SIPA1L3: variants seen among roughly 807,000 people sequenced by gnomAD.
The protein encoded by SIPA1L3 is signal-induced proliferation-associated 1-like protein 3.
SIPA1L3 carries 59 observed loss-of-function variants against 150.1 expected under a neutral mutation model. That is an observed-to-expected ratio of 0.39 (90% CI 0.32 to 0.49). The LOEUF (loss-of-function observed/expected upper bound fraction) is 0.49, where lower values mean the gene tolerates loss of function less well. SIPA1L3 is among the 20% of genes least tolerant of loss of function. The pLI, the probability that SIPA1L3 is intolerant of heterozygous loss-of-function variation, is 0.86. For synonymous variants in SIPA1L3, 1,070 were observed against 1,077.6 expected (o/e 0.99, Z 0.14); for missense variants, 2,211 against 2,489.5 (o/e 0.89, Z 2.38).
chr19:38,159,094 C>T (rs909407516), intron 13 of SIPA1L3, among the ~76,000 whole-genome samples: 2 of 152,226 alleles, frequency 1.3e-5, no homozygotes, highest in African/African-American at 2.4e-5. Context: ...AAGAGGAAAA[C>T]CATCAATGGA....
chr19:38,030,549 A>AATAC (rs956361145), intron 2 of SIPA1L3, among the ~76,000 whole-genome samples: 2 of 149,882 alleles, frequency 1.3e-5, no homozygotes, highest in Non-Finnish European at 3.0e-5. Flanking sequence ...TAAATAAATA[A>AATAC]ATACATACAT....
At chr19:37,999,679 C>T (rs149351257) in intron 1 of SIPA1L3, among the ~76,000 whole-genome samples, 2 of 152,302 alleles carry the variant, frequency 1.3e-5, no homozygotes, top group African/African-American at 2.4e-5. Flanking sequence ...CTTGGGTAGC[C>T]CAGTGGGAGA....
At chr19:37,916,428 C>T (rs955726871) in intron 1 of SIPA1L3, among the ~76,000 whole-genome samples, 5 of 149,418 alleles carry the variant, frequency 3.3e-5, no homozygotes, top group African/African-American at 1.2e-4. Flanking sequence ...TGAGCCCAGG[C>T]ACTACCACAC....
At chr19:38,148,350 CAA>C (rs765823221) in intron 12 of SIPA1L3, among the ~76,000 whole-genome samples, 13 of 128,722 alleles carry the variant, frequency 1.0e-4, no homozygotes, top group Admixed American at 2.4e-4. Flanking sequence ...GACTCCATCT[CAA>C]AAAAAAAAAA....
Position 38,162,308 on chromosome 19 carries a change from C to G in SIPA1L3, c.3717C>G (p.Ser1239Arg), listed in dbSNP as rs138307488. The G allele has an allele frequency of 6.8e-6, 11 of 1,614,128 alleles. No homozygotes were observed. Among genetic ancestry groups the G allele is most frequent in the Non-Finnish European group, 9.3e-6 (11 of 1,180,042 alleles). ...GGCTCTCAGCCATAGCCGGAAGCAG[C>G]GGGAACAAGCACCCGTCCAGGCAGG... ...QARLSAIAGSSGNKHPSRQDA... is the reference protein window; with the variant it reads ...QARLSAIAGSRGNKHPSRQDA... Residue 1239 changes from serine to arginine, a missense_variant, in exon 14 of 22, where the codon AGC becomes AGG. Physicochemically the swap from Ser to Arg is moderately radical, Grantham distance 110 (BLOSUM62 -1). This residue lies in a region of SIPA1L3 where 806 missense variants were observed against 870.1 expected (regional missense o/e 0.93). Coordinates refer to ENST00000222345, the MANE Select transcript of SIPA1L3 (RefSeq NM_015073.3).
At chr19:37,964,955 GA>G (rs1242463092) in intron 1 of SIPA1L3, among the ~76,000 whole-genome samples, 3 of 152,134 alleles carry the variant, frequency 2.0e-5, no homozygotes, top group Non-Finnish European at 2.9e-5. Flanking sequence ...CTGAGGTTGA[GA>G]ACCATTGAGT....
chr19:37,975,040 T>A (rs1482510929), intron 1 of SIPA1L3, among the ~76,000 whole-genome samples: 1 of 152,152 alleles, frequency 6.6e-6, no homozygotes, highest in Non-Finnish European at 1.5e-5. Flanking sequence ...GTAGTTAATT[T>A]GTTACTCAGC....
In SIPA1L3 at chr19:38,082,648, G is replaced by A. The variant is rs772712332; in HGVS notation, c.1083G>A (p.Ser361=). 1.9e-6 allele frequency: 3 copies of A among 1,606,688 alleles called. No homozygotes were observed. The highest frequency in any genetic ancestry group is 2.2e-5 in the East Asian group (1 of 44,868). ...ACGAGGCGGCCGCCAACAGGGTGTC[G>A]GTGTCGCAGCGGCGGAACACCACCA... ...DLNEAAANRV[S]VSQRRNTTTG... Residue 361 remains serine (S), a synonymous_variant, in exon 3 of 22, where the codon TCG becomes TCA. Transcript: ENST00000222345.
chr19:37,912,228 A>T (rs955997284), intron 1 of SIPA1L3, among the ~76,000 whole-genome samples: 2 of 136,874 alleles, frequency 1.5e-5, no homozygotes, highest in East Asian at 2.5e-4. Context: ...CAAGAGTGAC[A>T]CTCTGTCTCA....
At chr19:38,187,050 C>T (rs970022081) in intron 16 of SIPA1L3, among the ~76,000 whole-genome samples, 1 of 150,428 alleles carries the variant, frequency 6.6e-6, no homozygotes. Flanking sequence ...TGCAGTGTCT[C>T]ACATCTGTAA....
rs1228656443 is a variant in SIPA1L3 at position 38,181,986 on chromosome 19, A to C, written c.4209-533A>C. Among the ~76,000 whole-genome samples the C allele has an allele frequency of 2.0e-5, 3 of 152,084 alleles. No individual in the cohort carries two copies. In the South Asian group the frequency reaches 6.2e-4, roughly 32 times the overall value. ...GGGAACATAGTGAAACCCCATCTCT[A>C]CAAAAATTAGCTAAGCATAGTGGTG... On this transcript the variant is annotated intron_variant, in intron 15 of 21. Transcript: ENST00000222345.
At chr19:38,112,068 A>G (rs954404846) in intron 8 of SIPA1L3, among the ~76,000 whole-genome samples, 2 of 141,628 alleles carry the variant, frequency 1.4e-5, no homozygotes, top group Non-Finnish European at 3.0e-5. Flanking sequence ...ACACGTATGC[A>G]CACACCATGC....
intron 3 of SIPA1L3, 83 bp from the exon 4 acceptor site, chr19:38,088,638 C>T (rs1008397928): frequency 1.1e-5 from 17 of 1,516,758 alleles, no homozygotes; most frequent in Admixed American, 3.9e-5. Flanking sequence ...CCTGCCTGGT[C>T]GCCCTGTCTG....
Position 38,192,141 on chromosome 19 carries a change from C to A in SIPA1L3, c.4431-4C>A. 1 of 1,597,048 alleles carries A rather than the reference C, an allele frequency of 6.3e-7. No homozygotes were observed. Among genetic ancestry groups the A allele is most frequent in the South Asian group, 1.1e-5 (1 of 89,062 alleles). On this transcript the variant is annotated splice_region_variant and splice_polypyrimidine_tract_variant and intron_variant, in intron 16 of 21. Transcript: ENST00000222345. ...CCCCTCTGACCCTGACGCTGTCATT[C>A]CAGGCAGGTGGACACGAACACCAAA...
At chr19:38,070,744 A>G (rs1017130927) in intron 2 of SIPA1L3, among the ~76,000 whole-genome samples, 1 of 152,210 alleles carries the variant, frequency 6.6e-6, no homozygotes, top group Non-Finnish European at 1.5e-5. Flanking sequence ...TTCTTCCTGG[A>G]TAAACAAATG....
intron 15 of SIPA1L3, among the ~76,000 whole-genome samples, chr19:38,173,844 G>A (rs1381465199): frequency 2.0e-5 from 3 of 152,192 alleles, no homozygotes; most frequent in African/African-American, 7.2e-5. Context: ...CTGCAGGGCG[G>A]GGAGCAGTGC....
chr19:38,006,990 A>G (rs759466967), intron 1 of SIPA1L3, among the ~76,000 whole-genome samples: 1 of 152,202 alleles, frequency 6.6e-6, no homozygotes, highest in Non-Finnish European at 1.5e-5. Context: ...TAAGGCCCTG[A>G]TAAGAGGGGC....
chr19:38,120,288 A>G lies in SIPA1L3; in HGVS notation c.2868+406A>G, dbSNP rs938810006. ...GACCAACCTGGGTAACCATAGTGAGACTCTGCCTACAAAAAAAAAAAAAAG... is the reference window on the plus strand; with the variant it reads ...GACCAACCTGGGTAACCATAGTGAGGCTCTGCCTACAAAAAAAAAAAAAAG... On this transcript the variant is annotated intron_variant, in intron 9 of 21. Coordinates refer to ENST00000222345, the MANE Select transcript of SIPA1L3 (RefSeq NM_015073.3). 7.1e-5 allele frequency among the ~76,000 whole-genome samples: 10 copies of G among 140,844 alleles called. 1 individual carries two copies. In the Admixed American group the frequency reaches 7.7e-4, roughly 11 times the overall value. 92.4% of individuals were successfully genotyped at this position (140,844 alleles called of 152,430 possible). A position where few individuals can be genotyped will look rare whatever the true frequency, so the allele number is the denominator to read the frequency against.
intron 1 of SIPA1L3, among the ~76,000 whole-genome samples, chr19:37,952,240 G>C (rs1185891279): frequency 6.6e-6 from 1 of 152,146 alleles, no homozygotes; most frequent in East Asian, 1.9e-4. Context: ...TTGGGTAACT[G>C]AACTTCTCAG....
Sources: gnomAD v4.1 joint callset for allele counts (sites outside exome capture counted in the v4.1 genomes callset) on GRCh38, gnomAD v4.1.1 for gene constraint, gnomAD v4.1.1 regional missense constraint, MANE v1.5 for transcripts, NCBI Gene and HGNC (gene_info 2026-07-23, HGNC 2026-07-21) for gene names.